The following RAD51B variants were observed in gnomAD, a reference collection of about 807,000 sequenced individuals.
The protein encoded by RAD51B is DNA repair protein RAD51 homolog 2.
Under a neutral mutation model 42.2 loss-of-function variants are expected in RAD51B, and 38 were observed. That is an observed-to-expected ratio of 0.90 (90% CI 0.70 to 1.18). The LOEUF is 1.18. Among genes scored for constraint, RAD51B ranks in the 50% most tolerant of loss-of-function variants. The pLI is 0.00. For synonymous variants in RAD51B, 154 were observed against 145.2 expected, an observed-to-expected ratio of 1.06 and a Z score of -0.43; for missense variants, 373 against 400.7, an observed-to-expected ratio of 0.93 and a Z score of 0.59.
intron 10 of RAD51B, among the ~76,000 whole-genome samples, chr14:68,512,985 C>T (rs988288430): frequency 2.0e-5 from 3 of 151,976 alleles, no homozygotes; most frequent in Non-Finnish European, 4.4e-5. Flanking sequence ...GGAATAGGAA[C>T]AAGTGTGATG....
In RAD51B at chr14:67,885,960, G is replaced by T; in HGVS notation, c.544G>T (p.Glu182Ter). Residue 182 changes from glutamate (E) to a stop codon, truncating the protein, a stop_gained, in exon 6 of 11, where the codon GAA becomes TAA. Transcript: ENST00000471583. LOFTEE classifies it high-confidence loss of function. ...AAGTAGTAAAGTTCATCTTTATCGGGAACTCACCTGTGATGAAGTTCTACA... is the reference window on the plus strand; with the variant it reads ...AAGTAGTAAAGTTCATCTTTATCGGTAACTCACCTGTGATGAAGTTCTACA... Reference protein sequence around the residue: ...LTSSKVHLYRELTCDEVLQRI... With the variant: ...LTSSKVHLYR 1 of 1,604,534 alleles carries T rather than the reference G, an allele frequency of 6.2e-7. No individual in the cohort carries two copies. The highest frequency in any genetic ancestry group is 1.1e-5 in the South Asian group (1 of 90,260).
chr14:68,604,889 G>A (rs1240667902), intron 10 of RAD51B, among the ~76,000 whole-genome samples: 1 of 152,112 alleles, frequency 6.6e-6, no homozygotes, highest in East Asian at 1.9e-4. Flanking sequence ...TTCGGAGAGT[G>A]ACACTTTGGA....
At chr14:67,974,455 C>G (rs971420626) in intron 7 of RAD51B, among the ~76,000 whole-genome samples, 1 of 151,914 alleles carries the variant, frequency 6.6e-6, no homozygotes, top group Non-Finnish European at 1.5e-5. Flanking sequence ...CTAAAGGTTC[C>G]TACTTTGGAG....
intron 8 of RAD51B, among the ~76,000 whole-genome samples, chr14:68,317,637 A>G (rs565401351): frequency 1.3e-5 from 2 of 152,298 alleles, no homozygotes; most frequent in South Asian, 2.1e-4. Flanking sequence ...TTCATGAGAG[A>G]AACAAGTCCA....
intron 7 of RAD51B, chr14:68,125,253 A>T (rs1420996034): frequency 1.3e-5 from 2 of 152,140 alleles, no homozygotes; most frequent in Admixed American, 6.6e-5. Flanking sequence ...GTGAAAAAAG[A>T]TTGTCTTGTG....
At chr14:68,062,189 G>A (rs1422638733) in intron 7 of RAD51B, among the ~76,000 whole-genome samples, 1 of 152,128 alleles carries the variant, frequency 6.6e-6, no homozygotes, top group East Asian at 1.9e-4. Context: ...GATATGAGGT[G>A]TCATGTTTAT....
chr14:67,934,267 C>T (rs1351275587), intron 7 of RAD51B, among the ~76,000 whole-genome samples: 1 of 152,030 alleles, frequency 6.6e-6, no homozygotes, highest in Non-Finnish European at 1.5e-5. Flanking sequence ...GTGAGAGCAG[C>T]TGGTGGCAGT....
intron 7 of RAD51B, among the ~76,000 whole-genome samples, chr14:68,057,551 T>A (rs748196715): frequency 2.5e-4 from 38 of 152,200 alleles, no homozygotes; most frequent in Admixed American, 5.9e-4. Context: ...TATTATTTAA[T>A]ATATAAAAGA....
intron 10 of RAD51B, among the ~76,000 whole-genome samples, chr14:68,544,719 C>T (rs1888133553): frequency 6.6e-6 from 1 of 152,148 alleles, no homozygotes; most frequent in Non-Finnish European, 1.5e-5. Flanking sequence ...GTAAGCCAGG[C>T]AGATTGGCAC....
At chr14:68,082,736 G>A (rs1013460617) in intron 7 of RAD51B, among the ~76,000 whole-genome samples, 9 of 151,840 alleles carry the variant, frequency 5.9e-5, no homozygotes, top group Admixed American at 2.0e-4. Flanking sequence ...CCTTACTGAT[G>A]GACATTTATG....
rs553559482 is a variant in RAD51B, at chr14:68,114,954, A to G, written c.757-176930A>G. On this transcript the variant is annotated intron_variant, in intron 7 of 10. Coordinates refer to ENST00000471583, the MANE Select transcript of RAD51B (RefSeq NM_133510.4). ...ACTTTTACACTGTTGGTGGGACTGT[A>G]AACTAGTTCAACCATTGTGGAAGTC... is the stretch of plus-strand genomic sequence containing the variant. 5.0e-3 allele frequency among the ~76,000 whole-genome samples: 751 copies of G among 151,546 alleles called. 7 individuals carry two copies. The highest frequency in any genetic ancestry group is 0.017 in the African/African-American group (719 of 41,114).
chr14:68,320,978 A>T (rs1309130130), intron 8 of RAD51B, among the ~76,000 whole-genome samples: 4 of 151,852 alleles, frequency 2.6e-5, no homozygotes, highest in African/African-American at 9.7e-5. Flanking sequence ...CACATCTCTC[A>T]TGTTTCTTTC....
intron 10 of RAD51B, among the ~76,000 whole-genome samples, chr14:68,553,128 T>A (rs1358114918): frequency 6.6e-6 from 1 of 152,210 alleles, no homozygotes; most frequent in Non-Finnish European, 1.5e-5. Flanking sequence ...TCTAAGAAAA[T>A]TGGGATTGTA....
At chr14:68,232,983 T>C (rs140628202) in intron 7 of RAD51B, among the ~76,000 whole-genome samples, 73 of 152,350 alleles carry the variant, frequency 4.8e-4, no homozygotes, top group African/African-American at 1.7e-3. Context: ...CTAGAAGATA[T>C]TGCCAAAAGC....
intron 7 of RAD51B, among the ~76,000 whole-genome samples, chr14:67,926,420 G>A (rs1215308845): frequency 5.3e-5 from 8 of 152,056 alleles, no homozygotes; most frequent in Admixed American, 1.3e-4. Flanking sequence ...TAACAAGTTC[G>A]TCATCTTTAT....
chr14:67,835,170 G>C lies in RAD51B; in HGVS notation c.289G>C (p.Gly97Arg). The part of the protein sequence containing the change: ...LSALDEALHG[G>R]VACGSLTEIT... ...TGCTTTGGACGAAGCCCTGCATGGT[G>C]GTGTGGCTTGTGGATCCCTCACAGA... Residue 97 changes from glycine (G) to arginine (R), a missense_variant, in exon 4 of 11, where the codon GGT becomes CGT. Transcript: ENST00000471583. 1 of 1,613,834 alleles carries C rather than the reference G, an allele frequency of 6.2e-7. No homozygotes were observed. The highest frequency in any genetic ancestry group is 8.5e-7 in the Non-Finnish European group (1 of 1,179,804).
intron 7 of RAD51B, among the ~76,000 whole-genome samples, chr14:68,189,259 T>A (rs535088703): frequency 1.2e-4 from 19 of 152,292 alleles, no homozygotes; most frequent in African/African-American, 4.6e-4. Flanking sequence ...AACAATATTT[T>A]AGTCATTCTT....
intron 7 of RAD51B, among the ~76,000 whole-genome samples, chr14:68,126,276 A>G (rs1214537310): frequency 1.3e-5 from 2 of 152,134 alleles, no homozygotes; most frequent in Non-Finnish European, 2.9e-5. Flanking sequence ...TTTCCTGAGC[A>G]TGTTTGCTGC....
Position 68,468,187 on chromosome 14 carries a change from TC to T in RAD51B, c.977del (p.Pro326LeufsTer33). The T allele has an allele frequency of 1.2e-6, 2 of 1,613,992 alleles. No homozygotes were observed. The highest frequency in any genetic ancestry group is 1.7e-6 in the Non-Finnish European group (2 of 1,179,888). On this transcript the variant is annotated frameshift_variant, in exon 10 of 11. Transcript: ENST00000471583. LOFTEE classifies it high-confidence loss of function. ...TTATGTGCAGATTCTTATTGCCAAG[TC>T]CCCTCTGGCTCCCTTCACCTCATTT... Reference protein sequence around the residue: ...SERRQILIAKSPLAPFTSFVY... With the variant: ...SERRQILIAKXPLAPFTSFVY...
Sources: allele counts gnomAD v4.1 joint callset (sites outside exome capture counted in the v4.1 genomes callset), GRCh38; gene constraint gnomAD v4.1.1; transcripts MANE v1.5; gene names NCBI Gene and HGNC (gene_info 2026-07-23, HGNC 2026-07-21).